ANKRD60: variants seen among roughly 807,000 people sequenced by gnomAD.
ANKRD60 encodes ankyrin repeat domain 60.
ANKRD60 carries 24 observed loss-of-function variants against 21.3 expected under a neutral mutation model. The observed-to-expected ratio is 1.13, with a 90% CI of 0.82 to 1.59. The LOEUF (loss-of-function observed/expected upper bound fraction) is 1.59, where lower values mean the gene tolerates loss of function less well. Among genes scored for constraint, ANKRD60 ranks in the 40% most tolerant of loss-of-function variants. The pLI, the probability that ANKRD60 is intolerant of heterozygous loss-of-function variation, is 0.00. For synonymous variants in ANKRD60, 182 were observed against 199.4 expected (o/e 0.91, Z 0.74); for missense variants, 490 against 466.7 (o/e 1.05, Z -0.46).
intron 1 of ANKRD60, among the ~76,000 whole-genome samples, chr20:58,224,097 G>A (rs901103071): frequency 4.0e-5 from 6 of 150,926 alleles, no homozygotes; most frequent in Non-Finnish European, 8.9e-5. Flanking sequence ...GTGAAACCCT[G>A]TCTCCAAAAA....
rs988275197 is a variant in ANKRD60 at position 58,223,190 on chromosome 20, G to T, written c.431-8C>A. The T allele has an allele frequency of 1.3e-6, 2 of 1,529,554 alleles. No individual in the cohort carries two copies. The highest frequency in any genetic ancestry group is 1.8e-6 in the Non-Finnish European group (2 of 1,139,028). 94.7% of individuals were successfully genotyped at this position (1,529,554 alleles called of 1,614,324 possible). ...TGTCATCCATCAAAACTCCTGCAGGGAAAAATTTTTTTTCTTTTAAAAAAT... is the reference window on the plus strand; with the variant it reads ...TGTCATCCATCAAAACTCCTGCAGGTAAAAATTTTTTTTCTTTTAAAAAAT... On this transcript the variant is annotated splice_region_variant and splice_polypyrimidine_tract_variant and intron_variant, in intron 1 of 3. Transcript: ENST00000457363.
At chr20:58,221,623 G>C in intron 2 of ANKRD60, 120 bp from the exon 3 acceptor site, 1 of 1,139,886 alleles carries the variant, frequency 8.8e-7, no homozygotes, top group Non-Finnish European at 1.2e-6. Context: ...CTCATGATGG[G>C]AAAAGAGAGG....
At chr20:58,222,640 G>A (rs948201544) in intron 2 of ANKRD60, among the ~76,000 whole-genome samples, 4 of 152,190 alleles carry the variant, frequency 2.6e-5, no homozygotes, top group Admixed American at 2.0e-4. Context: ...GGGAACGAGG[G>A]GCCTCTCCCT....
intron 2 of ANKRD60, 21 bp downstream of exon 2, chr20:58,223,031 T>C (rs1208276738): frequency 1.2e-5 from 19 of 1,541,880 alleles, no homozygotes; most frequent in Admixed American, 2.1e-5. Flanking sequence ...ATAATATCCA[T>C]TTAAAGAAGC....
At position 58,228,620 on chromosome 20, in the gene ANKRD60, C is replaced by CCCG. The variant is rs564097797; in HGVS notation, c.31_33dup (p.Arg11dup). 0.22 allele frequency: 222,347 copies of CCCG among 1,015,178 alleles called. 26,509 individuals are homozygous for CCCG. The highest frequency in any genetic ancestry group is 0.3 in the East Asian group (3,342 of 10,974). The allele number at this position is 1,015,178 out of a possible 1,614,324, so 62.9% of individuals were successfully genotyped here. A position where few individuals can be genotyped will look rare whatever the true frequency, so the allele number is the denominator to read the frequency against. ...CGCGCTCCGCCCGCCCCCGCCGCCG[C>CCCG]CCGCCGCATCCCCCAGGCGCGGCCG... On this transcript the variant is annotated inframe_insertion, in exon 1 of 4. Transcript: ENST00000457363. The surrounding 1 kb of genome is among the most constrained non-coding windows in gnomAD (Gnocchi z 5.3).
chr20:58,228,470 G>A lies in ANKRD60; in HGVS notation c.184C>T (p.Pro62Ser), dbSNP rs1372194399. The change falls in exon 1 of 4, where the codon CCC becomes TCC. Residue 62 changes from proline (P) to serine (S), a missense_variant. By Grantham distance (74) the Pro-to-Ser change is moderately conservative (BLOSUM62 -1). Transcript: ENST00000457363. The surrounding 1 kb of genome is among the most constrained non-coding windows in gnomAD (Gnocchi z 5.3). ...CGGGCACAGGCCAGGGGCTGCGCGGGGAGGGCCCGCGAGTCCGCCGAGCCC... is the reference window on the plus strand; with the variant it reads ...CGGGCACAGGCCAGGGGCTGCGCGGAGAGGGCCCGCGAGTCCGCCGAGCCC... 2.6e-6 allele frequency: 4 copies of A among 1,522,882 alleles called. No individual in the cohort carries two copies. Among genetic ancestry groups the A allele is most frequent in the South Asian group, 1.2e-5 (1 of 82,666 alleles). The allele number at this position is 1,522,882 out of a possible 1,614,324, so 94.3% of individuals were successfully genotyped here. A position where few individuals can be genotyped will look rare whatever the true frequency, so the allele number is the denominator to read the frequency against.
downstream of ANKRD60, among the ~76,000 whole-genome samples, chr20:58,217,670 T>C (rs1984162688): frequency 6.6e-6 from 1 of 152,070 alleles, no homozygotes; most frequent in African/African-American, 2.4e-5. Flanking sequence ...CAATGCGGTA[T>C]AAGGTTTTGC....
In ANKRD60 at chr20:58,228,515, CCT is replaced by C. The variant is rs1984419029; in HGVS notation, c.137_138del (p.Gln46ArgfsTer33). The C allele has an allele frequency of 7.2e-7, 1 of 1,386,866 alleles. No individual in the cohort carries two copies. Among genetic ancestry groups the C allele is most frequent in the Middle Eastern group, 2.6e-4 (1 of 3,786 alleles). 85.9% of individuals were successfully genotyped at this position (1,386,866 alleles called of 1,614,324 possible). A position where few individuals can be genotyped will look rare whatever the true frequency, so the allele number is the denominator to read the frequency against. ...GAGCCCACCCTGGGCCCGCCGCACC[CCT>C]GAGCCCCGGCCCGCGCACCGCTCCT... is the stretch of plus-strand genomic sequence containing the variant. On this transcript the variant is annotated frameshift_variant, in exon 1 of 4. Transcript: ENST00000457363. LOFTEE classifies it high-confidence loss of function. The surrounding 1 kb of genome is among the most constrained non-coding windows in gnomAD (Gnocchi z 5.3).
At chr20:58,221,632 G>A in intron 2 of ANKRD60, 129 bp from the exon 3 acceptor site, 1 of 1,056,676 alleles carries the variant, frequency 9.5e-7, no homozygotes, top group Non-Finnish European at 1.3e-6. Context: ...GGAAAAGAGA[G>A]GTGCAAACCC....
chr20:58,216,618 C>G (rs898581864), downstream of ANKRD60, among the ~76,000 whole-genome samples: 2 of 152,148 alleles, frequency 1.3e-5, no homozygotes, highest in African/African-American at 4.8e-5. Context: ...TTTTTTTCCT[C>G]GACTATTATT....
At chr20:58,218,765 G>T in exon 4 of ANKRD60, 1 of 1,550,540 alleles carries the variant, frequency 6.4e-7, no homozygotes, top group Non-Finnish European at 8.7e-7. Flanking sequence ...CCACATGCAG[G>T]GGTGTCCTGC....
chr20:58,228,113 C>T lies in ANKRD60; in HGVS notation c.430+111G>A. ...AGGGTGGTTGGGTTTCAGGGGTTTG[C>T]TTTGACATCTGGGGTTTCTCACGTA... On this transcript the variant is annotated intron_variant, in intron 1 of 3. Transcript: ENST00000457363. This position sits in a 1 kb window ranked among gnomAD's most constrained non-coding sequence, Gnocchi z 5.3. 8.6e-7 allele frequency: 1 copy of T among 1,159,618 alleles called. No homozygotes were observed. The highest frequency in any genetic ancestry group is 1.2e-6 in the Non-Finnish European group (1 of 836,092). 71.8% of individuals were successfully genotyped at this position (1,159,618 alleles called of 1,614,324 possible). A position where few individuals can be genotyped will look rare whatever the true frequency, so the allele number is the denominator to read the frequency against.
At chr20:58,222,142 G>A (rs1485493962) in intron 2 of ANKRD60, among the ~76,000 whole-genome samples, 1 of 152,170 alleles carries the variant, frequency 6.6e-6, no homozygotes, top group Non-Finnish European at 1.5e-5. Flanking sequence ...GCAGGGAGGT[G>A]ACCCCTGCAG....
chr20:58,218,915 G>T, intron 3 of ANKRD60, 110 bp from the exon 4 acceptor site: 1 of 1,013,802 alleles, frequency 9.9e-7, no homozygotes, highest in South Asian at 1.7e-5. Flanking sequence ...GCCTGGCCCA[G>T]CTCCAGTACT....
exon 4 of ANKRD60, chr20:58,218,536 A>C: frequency 6.4e-7 from 1 of 1,551,634 alleles, no homozygotes; most frequent in Non-Finnish European, 8.7e-7. Context: ...CTAAACCCAG[A>C]CTTGACCCTC....
intron 1 of ANKRD60, among the ~76,000 whole-genome samples, chr20:58,227,447 G>A (rs1984388055): frequency 6.6e-6 from 1 of 152,114 alleles, no homozygotes; most frequent in Non-Finnish European, 1.5e-5. Context: ...GGAGATTTGG[G>A]GTTCAGTTGG....
At position 58,221,339 on chromosome 20, in the gene ANKRD60, G is replaced by A. The variant is rs370864346; in HGVS notation, c.726C>T (p.His242=). The A allele has an allele frequency of 9.0e-5, 140 of 1,548,470 alleles. No homozygotes were observed. In the African/African-American group the frequency reaches 1.3e-3, roughly 15 times the overall value. The change falls in exon 3 of 4, where the codon CAC becomes CAT. Residue 242 remains histidine, a splice_region_variant and synonymous_variant. Transcript: ENST00000457363. ...TAGCAAGCTTTCTACCAGAATTACC[G>A]TGTTCTAGAAGGTACTGCACAGCAT... is the stretch of plus-strand genomic sequence containing the variant.
downstream of ANKRD60, among the ~76,000 whole-genome samples, chr20:58,217,533 G>A (rs997095050): frequency 1.3e-5 from 2 of 152,086 alleles, no homozygotes; most frequent in African/African-American, 4.8e-5. Flanking sequence ...CATTTCTGCA[G>A]GAGTCAAGTC....
exon 3 of ANKRD60, chr20:58,221,373 C>A: frequency 6.4e-7 from 1 of 1,552,044 alleles, no homozygotes; most frequent in Non-Finnish European, 8.7e-7. Flanking sequence ...ATCAAAGTGG[C>A]CTCTGTGTGA....
Sources: allele counts gnomAD v4.1 joint callset (sites outside exome capture counted in the v4.1 genomes callset), GRCh38; gene constraint gnomAD v4.1.1; non-coding constraint Gnocchi (gnomAD v3.1); transcripts MANE v1.5; gene names NCBI Gene and HGNC (gene_info 2026-07-23, HGNC 2026-07-21).